CFAP54: variants seen among roughly 807,000 people sequenced by gnomAD.
CFAP54 encodes cilia- and flagella-associated protein 54.
A neutral mutation model predicts 370.4 loss-of-function variants in CFAP54; 290 were observed. That is an observed-to-expected ratio of 0.78 (90% confidence interval 0.71 to 0.86). The LOEUF (loss-of-function observed/expected upper bound fraction) is 0.86. Ranked by LOEUF, CFAP54 falls within the 40% of genes least tolerant of loss-of-function variation. The pLI is 0.00. For synonymous variants in CFAP54, 1,206 were observed against 1,236.5 expected (o/e 0.98, Z 0.52); for missense variants, 3,399 against 3,528.7 (o/e 0.96, Z 0.93).
intron 36 of CFAP54, among the ~76,000 whole-genome samples, chr12:96,656,712 G>A (rs1250049895): frequency 2.0e-5 from 3 of 152,180 alleles, no homozygotes; most frequent in Non-Finnish European, 4.4e-5. Flanking sequence ...CACTATATTA[G>A]ATAATGTAAT....
At chr12:96,731,493 T>C (rs1021714724) in intron 50 of CFAP54, among the ~76,000 whole-genome samples, 1 of 152,212 alleles carries the variant, frequency 6.6e-6, no homozygotes, top group Non-Finnish European at 1.5e-5. Flanking sequence ...AAATATTTTA[T>C]TGAAAATGAG....
rs58344891 is a variant in CFAP54, at chr12:96,666,511, C to T, written c.5563+2579C>T. On this transcript the variant is annotated intron_variant, in intron 39 of 67. Transcript: ENST00000524981. The stretch of plus-strand genomic sequence containing the variant: ...GATGGCTGGAGAGGCCACACAATCA[C>T]GGAAGAAGGCAAAGGAGGAGCAAAG... Among the ~76,000 whole-genome samples, 87 of 152,284 alleles carry T rather than the reference C, an allele frequency of 5.7e-4. 1 individual carries two copies. The East Asian group carries it at 0.014, about 24-fold the overall frequency.
At chr12:96,513,776 G>A (rs1322841499) in intron 5 of CFAP54, among the ~76,000 whole-genome samples, 1 of 151,976 alleles carries the variant, frequency 6.6e-6, no homozygotes, top group African/African-American at 2.4e-5. Context: ...AAAAAAAGGT[G>A]TCCTGGTTTG....
intron 39 of CFAP54, among the ~76,000 whole-genome samples, chr12:96,664,153 A>C (rs1957029058): frequency 6.6e-6 from 1 of 152,130 alleles, no homozygotes; most frequent in Non-Finnish European, 1.5e-5. Flanking sequence ...TTAAACTTTT[A>C]AGTGCAGGGG....
chr12:96,846,765 G>T (rs1229598637), intron 66 of CFAP54, among the ~76,000 whole-genome samples: 1 of 152,162 alleles, frequency 6.6e-6, no homozygotes, highest in Non-Finnish European at 1.5e-5. Flanking sequence ...CGTGCAGACT[G>T]GGTGCCAAGG....
intron 5 of CFAP54, among the ~76,000 whole-genome samples, chr12:96,517,912 A>G (rs979248189): frequency 2.0e-5 from 3 of 152,152 alleles, no homozygotes; most frequent in Admixed American, 2.0e-4. Flanking sequence ...ATGTTTTTAG[A>G]TTTCTGGATG....
chr12:96,623,887 C>A lies in CFAP54; in HGVS notation c.3886+6C>A. ...ACTCAAACTGACAAAGCAATGTAAT[C>A]ATTTGTTTTCTGTATACTTCCATTT... On this transcript the variant is annotated splice_donor_region_variant and intron_variant, in intron 28 of 67. Transcript: ENST00000524981. 1.3e-6 allele frequency: 2 copies of A among 1,490,966 alleles called. No individual in the cohort carries two copies. The highest frequency in any genetic ancestry group is 1.8e-6 in the Non-Finnish European group (2 of 1,109,760). The allele number at this position is 1,490,966 out of a possible 1,614,324, so 92.4% of individuals were successfully genotyped here.
chr12:96,806,358 C>T (rs182648843), intron 63 of CFAP54, among the ~76,000 whole-genome samples: 266 of 150,796 alleles, frequency 1.8e-3, no homozygotes, highest in African/African-American at 5.9e-3. Flanking sequence ...TGAGCAAGCA[C>T]GGCATTGAAG....
chr12:96,835,416 G>A (rs1469810092), intron 66 of CFAP54, among the ~76,000 whole-genome samples: 8 of 152,146 alleles, frequency 5.3e-5, no homozygotes, highest in Non-Finnish European at 5.9e-5. Context: ...GGCACCATAA[G>A]TCCCCACTCT....
At chr12:96,703,193 C>T (rs1309654096) in intron 46 of CFAP54, among the ~76,000 whole-genome samples, 1 of 152,068 alleles carries the variant, frequency 6.6e-6, no homozygotes, top group Non-Finnish European at 1.5e-5. Context: ...CAATAGTGTC[C>T]TTGGGAAGTG....
chr12:96,835,784 G>C (rs1006253421), intron 66 of CFAP54, among the ~76,000 whole-genome samples: 1 of 152,206 alleles, frequency 6.6e-6, no homozygotes, highest in African/African-American at 2.4e-5. Flanking sequence ...CCCTGGTTTG[G>C]GCAGCTGCAG....
intron 65 of CFAP54, among the ~76,000 whole-genome samples, chr12:96,828,565 A>G (rs1959154120): frequency 6.6e-6 from 1 of 152,142 alleles, no homozygotes; most frequent in Non-Finnish European, 1.5e-5. Context: ...GTCTGTGGGT[A>G]GGTCCCTTGT....
chr12:96,740,494 C>A (rs563851221), intron 51 of CFAP54, among the ~76,000 whole-genome samples: 1 of 152,208 alleles, frequency 6.6e-6, no homozygotes, highest in Non-Finnish European at 1.5e-5. Context: ...TGCATTCAAG[C>A]TCTCAAATCT....
intron 50 of CFAP54, among the ~76,000 whole-genome samples, chr12:96,737,281 TA>T (rs1224403449): frequency 6.6e-6 from 1 of 152,088 alleles, no homozygotes; most frequent in Non-Finnish European, 1.5e-5. Flanking sequence ...TATAACCTTG[TA>T]GACTTGTGGT....
At chr12:96,788,808 G>T (rs753954333) in intron 62 of CFAP54, among the ~76,000 whole-genome samples, 1 of 152,134 alleles carries the variant, frequency 6.6e-6, no homozygotes, top group African/African-American at 2.4e-5. Flanking sequence ...ATGATTCTCA[G>T]TTGGTGTTAT....
At chr12:96,648,765 T>A (rs1447631326) in intron 34 of CFAP54, among the ~76,000 whole-genome samples, 1 of 151,908 alleles carries the variant, frequency 6.6e-6, no homozygotes, top group African/African-American at 2.4e-5. Flanking sequence ...ATTTTTTGTA[T>A]TTTTAGTAAA....
At chr12:96,624,693 G>A (rs981347371) in intron 28 of CFAP54, among the ~76,000 whole-genome samples, 1 of 152,272 alleles carries the variant, frequency 6.6e-6, no homozygotes, top group East Asian at 1.9e-4. Context: ...TTTGCCCCAT[G>A]GCCTTTGGGG....
chr12:96,795,327 A>G (rs1304156227), intron 63 of CFAP54, among the ~76,000 whole-genome samples: 1 of 152,178 alleles, frequency 6.6e-6, no homozygotes, highest in Non-Finnish European at 1.5e-5. Flanking sequence ...CAGGTGGTGG[A>G]TGAGGACATA....
chr12:96,704,673 A>C, intron 46 of CFAP54, 70 bp from the exon 47 acceptor site: 2 of 601,814 alleles, frequency 3.3e-6, no homozygotes, highest in Non-Finnish European at 5.3e-6. Context: ...TTTAGAACAC[A>C]TTAAATGTTT....
Sources: allele counts gnomAD v4.1 joint callset (sites outside exome capture counted in the v4.1 genomes callset), GRCh38; gene constraint gnomAD v4.1.1; transcripts MANE v1.5; gene names NCBI Gene and HGNC (gene_info 2026-07-23, HGNC 2026-07-21).